SDK1: variants seen among roughly 807,000 people sequenced by gnomAD.
SDK1 encodes the protein sidekick cell adhesion molecule 1.
In SDK1, 157 loss-of-function variants were observed where a neutral mutation model predicts 245.5. The observed-to-expected ratio is 0.64, with a 90% CI of 0.56 to 0.73. The LOEUF (loss-of-function observed/expected upper bound fraction) is 0.73, where lower values mean the gene tolerates loss of function less well. Among genes scored for constraint, SDK1 ranks in the 30% least tolerant of loss-of-function variants. SDK1 has a pLI of 0.00. For synonymous variants in SDK1, 1,647 were observed against 1,278.5 expected (o/e 1.29, Z -6.15); for missense variants, 3,583 against 3,002.3 (o/e 1.19, Z -4.52).
chr7:3,935,008 C>G (rs975775080), intron 5 of SDK1, among the ~76,000 whole-genome samples: 1 of 152,230 alleles, frequency 6.6e-6, no homozygotes, highest in Non-Finnish European at 1.5e-5. Flanking sequence ...ATCAACTCCC[C>G]TCTTGTATTG....
chr7:4,019,272 G>C (rs1270004055), intron 17 of SDK1, among the ~76,000 whole-genome samples: 5 of 152,218 alleles, frequency 3.3e-5, no homozygotes, highest in Admixed American at 3.3e-4. Context: ...AATTTAGTTG[G>C]TCAGAAATCA....
chr7:3,858,982 C>T (rs1780617468), intron 5 of SDK1, among the ~76,000 whole-genome samples: 1 of 151,186 alleles, frequency 6.6e-6, no homozygotes, highest in Non-Finnish European at 1.5e-5. Flanking sequence ...CCTGCCTCAG[C>T]CTCCCGAGTA....
chr7:3,642,943 A>G (rs1171656987), intron 4 of SDK1: 2 of 152,252 alleles, frequency 1.3e-5, no homozygotes, highest in Admixed American at 6.5e-5. Context: ...AGCAAATACT[A>G]TTGTTGTGCT....
chr7:3,507,265 T>C (rs1015292450), intron 1 of SDK1, among the ~76,000 whole-genome samples: 1 of 151,692 alleles, frequency 6.6e-6, no homozygotes, highest in Non-Finnish European at 1.5e-5. Context: ...ACCCTACACA[T>C]GTGCAGCGTA....
chr7:3,950,544 CTT>C (rs1438087674), intron 5 of SDK1, among the ~76,000 whole-genome samples: 1 of 152,150 alleles, frequency 6.6e-6, no homozygotes, highest in East Asian at 1.9e-4. Context: ...TAGTCAGTCT[CTT>C]AGTGTGCCTG....
At chr7:3,601,000 C>T (rs1781237035) in intron 1 of SDK1, among the ~76,000 whole-genome samples, 1 of 151,826 alleles carries the variant, frequency 6.6e-6, no homozygotes, top group African/African-American at 2.4e-5. Flanking sequence ...TTTTCCTTAT[C>T]CCATTGATGT....
rs116640953 is a variant in SDK1 at position 3,715,503 on chromosome 7, G to C, written c.713+73398G>C. Among the ~76,000 whole-genome samples, 837 of 152,200 alleles carry C rather than the reference G, an allele frequency of 5.5e-3. 7 individuals carry two copies. The highest frequency in any genetic ancestry group is 0.019 in the African/African-American group (788 of 41,524). On this transcript the variant is annotated intron_variant, in intron 4 of 44. Coordinates refer to ENST00000404826, the MANE Select transcript of SDK1 (RefSeq NM_152744.4). ...ACCTTCTACCTGGTGATGCAGGGAA[G>C]CCCAGGGAAGTGCGTTCTGTCCCAC...
At chr7:4,123,321 G>A (rs1268310391) in intron 25 of SDK1, among the ~76,000 whole-genome samples, 1 of 152,012 alleles carries the variant, frequency 6.6e-6, no homozygotes, top group African/African-American at 2.4e-5. Flanking sequence ...ATACGTTGTA[G>A]GTTTACATTT....
intron 2 of SDK1, among the ~76,000 whole-genome samples, chr7:3,635,864 C>G (rs1223978217): frequency 6.6e-6 from 1 of 152,092 alleles, no homozygotes; most frequent in African/African-American, 2.4e-5. Flanking sequence ...CACCACCACA[C>G]TTGGCTAATT....
chr7:3,973,109 A>C (rs1051162612), intron 12 of SDK1, among the ~76,000 whole-genome samples: 5 of 152,004 alleles, frequency 3.3e-5, no homozygotes, highest in Non-Finnish European at 5.9e-5. Context: ...CCTCAGATGG[A>C]ACTGGGTTAC....
intron 35 of SDK1, among the ~76,000 whole-genome samples, chr7:4,190,637 G>T (rs768965564): frequency 2.0e-5 from 3 of 152,246 alleles, no homozygotes; most frequent in Non-Finnish European, 4.4e-5. Flanking sequence ...CGCTGCACCC[G>T]GCCCACAGCA....
At chr7:3,884,245 C>T (rs112915239) in intron 5 of SDK1, among the ~76,000 whole-genome samples, 4,296 of 152,060 alleles carry the variant, frequency 0.028, 222 homozygotes, top group African/African-American at 0.098. Flanking sequence ...TGCACCCGGC[C>T]GCCTTTCTTT....
chr7:3,813,922 G>T lies in SDK1; in HGVS notation c.714-7528G>T, dbSNP rs200036983. 1.4e-3 allele frequency among the ~76,000 whole-genome samples: 185 copies of T among 132,996 alleles called. 5 individuals are homozygous for T. The East Asian group carries it at 0.032, about 23-fold the overall frequency. The allele number at this position is 132,996 out of a possible 152,430, so 87.3% of individuals were successfully genotyped here. On this transcript the variant is annotated intron_variant, in intron 4 of 44. Coordinates refer to ENST00000404826, the MANE Select transcript of SDK1 (RefSeq NM_152744.4). ...GCATAAATGTCTTCTTTTGAGAAGT[G>T]TCTGTTCATGTCCTTCTCCCACTTT...
chr7:3,533,684 T>G (rs139623665), intron 1 of SDK1, among the ~76,000 whole-genome samples: 4,830 of 152,238 alleles, frequency 0.032, 238 homozygotes, highest in African/African-American at 0.1. Flanking sequence ...GTCTTTTATC[T>G]CTTTTAAGAA....
In SDK1 at chr7:4,227,121, G is replaced by A. The variant is rs115226860; in HGVS notation, c.5827+5757G>A. On this transcript the variant is annotated intron_variant, in intron 40 of 44. Transcript: ENST00000404826. Reference sequence around the variant, plus strand: ...TTGTTCAATTTCAGTCTTTGGCAACGGGAGTTTTCAAGTGAGTAAGGAAGA... The same window carrying A: ...TTGTTCAATTTCAGTCTTTGGCAACAGGAGTTTTCAAGTGAGTAAGGAAGA... 1.1e-3 allele frequency: 286 copies of A among 266,164 alleles called. 2 individuals are homozygous for A. Among genetic ancestry groups the A allele is most frequent in the African/African-American group, 6.0e-3 (266 of 44,134 alleles). The allele number at this position is 266,164 out of a possible 1,614,324, so 16.5% of individuals were successfully genotyped here. A position where few individuals can be genotyped will look rare whatever the true frequency, so the allele number is the denominator to read the frequency against.
At chr7:4,265,072 C>T in intron 44 of SDK1, 52 bp from the exon 45 acceptor site, 2 of 1,509,628 alleles carry the variant, frequency 1.3e-6, no homozygotes, top group Non-Finnish European at 8.9e-7. Flanking sequence ...CCAGCACGCT[C>T]CGGGCCCTGC....
At chr7:3,736,508 G>A (rs1237435483) in intron 4 of SDK1, among the ~76,000 whole-genome samples, 4 of 152,056 alleles carry the variant, frequency 2.6e-5, no homozygotes, top group African/African-American at 7.2e-5. Context: ...TCCTGCCCTC[G>A]TGATCCACCC....
chr7:4,267,232 T>G lies in SDK1; in HGVS notation c.*1848T>G. On this transcript the variant is annotated 3_prime_UTR_variant, in exon 45 of 45. Coordinates refer to ENST00000404826, the MANE Select transcript of SDK1 (RefSeq NM_152744.4). ...CCCCTCCTTTCCTTCCTTCCTCCCT[T>G]CCTCTCTTCTTTCCTCCCTCCCTCC... The G allele has an allele frequency of 1.2e-6, 1 of 845,090 alleles. No homozygotes were observed. 52.3% of individuals were successfully genotyped at this position (845,090 alleles called of 1,614,324 possible). A position where few individuals can be genotyped will look rare whatever the true frequency, so the allele number is the denominator to read the frequency against.
chr7:4,159,157 A>C (rs1780960867), intron 31 of SDK1, among the ~76,000 whole-genome samples: 1 of 152,160 alleles, frequency 6.6e-6, no homozygotes, highest in Non-Finnish European at 1.5e-5. Flanking sequence ...TACTTAGTTC[A>C]CCCAGCAGCG....
Sources: gnomAD v4.1 joint callset for allele counts (sites outside exome capture counted in the v4.1 genomes callset) on GRCh38, gnomAD v4.1.1 for gene constraint, MANE v1.5 for transcripts, NCBI Gene and HGNC (gene_info 2026-07-23, HGNC 2026-07-21) for gene names.